Variants in CNTNAP5 observed in about 807,000 individuals in gnomAD.
The protein encoded by CNTNAP5 is contactin-associated protein-like 5.
Under a neutral mutation model 150.2 loss-of-function variants are expected in CNTNAP5, and 72 were observed. That is an observed-to-expected ratio of 0.48 (90% CI 0.40 to 0.58). The LOEUF (loss-of-function observed/expected upper bound fraction) is 0.58, where lower values mean the gene tolerates loss of function less well. CNTNAP5 is among the 20% of genes least tolerant of loss of function. The pLI is 0.00. For missense variants in CNTNAP5, 1,636 were observed against 1,626.2 expected (o/e 1.01, Z -0.10); for synonymous variants, 672 against 619.8 (o/e 1.08, Z -1.25).
chr2:124,700,395 C>T (rs1261141635), intron 13 of CNTNAP5, among the ~76,000 whole-genome samples: 1 of 152,104 alleles, frequency 6.6e-6, no homozygotes. Context: ...ATGGCTGGAT[C>T]ATATGGTAAT....
At chr2:124,537,758 C>T (rs1055074262) in intron 10 of CNTNAP5, among the ~76,000 whole-genome samples, 3 of 152,146 alleles carry the variant, frequency 2.0e-5, no homozygotes, top group Non-Finnish European at 4.4e-5. Context: ...AAATAAGCGA[C>T]CTTGAACAAG....
rs1684735343 is a variant in CNTNAP5 at position 124,163,471 on chromosome 2, A to G, written c.83-58234A>G. Among the ~76,000 whole-genome samples the G allele has an allele frequency of 2.0e-5, 3 of 152,164 alleles. No homozygotes were observed. The South Asian group carries it at 6.2e-4, about 32-fold the overall frequency. ...ATTAGCATGCTTTGAGGAGTCAGGC[A>G]TGGGGGTGTGAATCTGATCTACATG... is the stretch of plus-strand genomic sequence containing the variant. On this transcript the variant is annotated intron_variant, in intron 1 of 23. Transcript: ENST00000682447.
chr2:124,427,431 A>G (rs1057008836), intron 4 of CNTNAP5, among the ~76,000 whole-genome samples: 1 of 151,962 alleles, frequency 6.6e-6, no homozygotes, highest in Non-Finnish European at 1.5e-5. Context: ...TGAAACCCAT[A>G]TTATTTTATT....
intron 17 of CNTNAP5, among the ~76,000 whole-genome samples, chr2:124,781,906 GGTT>G (rs1482026280): frequency 6.6e-6 from 1 of 152,184 alleles, no homozygotes; most frequent in Non-Finnish European, 1.5e-5. Context: ...GTCAGGATGA[GGTT>G]GTTGCCCTGA....
rs1360203712 is a variant in CNTNAP5 at position 124,608,432 on chromosome 2, G to A, written c.1757-1369G>A. Among the ~76,000 whole-genome samples, 5 of 152,100 alleles carry A rather than the reference G, an allele frequency of 3.3e-5. No individual in the cohort carries two copies. The East Asian group carries it at 9.7e-4, about 29-fold the overall frequency. On this transcript the variant is annotated intron_variant, in intron 11 of 23. Transcript: ENST00000682447. The stretch of plus-strand genomic sequence containing the variant: ...TCCCTATCTCAGGACACCTGAACCT[G>A]CCTCTATCTGAGCATGCAGACTTTT...
chr2:124,365,306 A>G (rs1690343027), intron 3 of CNTNAP5, among the ~76,000 whole-genome samples: 1 of 148,938 alleles, frequency 6.7e-6, no homozygotes, highest in South Asian at 2.1e-4. Flanking sequence ...AGAGAGCAAG[A>G]CTCTGTCCCA....
rs550964757 is a variant in CNTNAP5, at chr2:124,918,008, T to C, written c.*3720T>C. Among the ~76,000 whole-genome samples, 9 of 152,190 alleles carry C rather than the reference T, an allele frequency of 5.9e-5. No homozygotes were observed. The highest frequency in any genetic ancestry group is 3.9e-4 in the Admixed American group (6 of 15,260). ...CAAAGTAGATATCTATCAATGCATA[T>C]AGATTTCTGTAGAAAGGGGTGGATT... On this transcript the variant is annotated 3_prime_UTR_variant, in exon 24 of 24. Coordinates refer to ENST00000682447, the MANE Select transcript of CNTNAP5 (RefSeq NM_001367498.1).
At chr2:124,697,773 ATTAC>A (rs1407155569) in intron 13 of CNTNAP5, among the ~76,000 whole-genome samples, 1 of 152,158 alleles carries the variant, frequency 6.6e-6, no homozygotes, top group Admixed American at 6.5e-5. Flanking sequence ...TCCTTGCACA[ATTAC>A]TTTATATATA....
At chr2:124,772,076 C>A (rs1361248943) in intron 16 of CNTNAP5, among the ~76,000 whole-genome samples, 1 of 151,876 alleles carries the variant, frequency 6.6e-6, no homozygotes, top group East Asian at 1.9e-4. Flanking sequence ...ATTATGCCCA[C>A]CACCACCATC....
At chr2:124,798,805 G>C (rs988140484) in intron 19 of CNTNAP5, among the ~76,000 whole-genome samples, 2 of 152,086 alleles carry the variant, frequency 1.3e-5, no homozygotes, top group Non-Finnish European at 2.9e-5. Flanking sequence ...GGAATAGGTG[G>C]CTTGCTTCTG....
chr2:124,252,493 C>T (rs1687209605), intron 3 of CNTNAP5, among the ~76,000 whole-genome samples: 2 of 152,172 alleles, frequency 1.3e-5, no homozygotes, highest in Admixed American at 1.3e-4. Context: ...TCTGAGCCCT[C>T]TCTGGGGAGA....
chr2:124,312,857 A>G (rs1272593294), intron 3 of CNTNAP5, among the ~76,000 whole-genome samples: 1 of 152,192 alleles, frequency 6.6e-6, no homozygotes, highest in Non-Finnish European at 1.5e-5. Flanking sequence ...GGCGTGAGCC[A>G]CCAGGCTCGG....
intron 16 of CNTNAP5, among the ~76,000 whole-genome samples, chr2:124,767,453 A>G (rs1311369072): frequency 6.6e-6 from 1 of 152,224 alleles, no homozygotes; most frequent in Non-Finnish European, 1.5e-5. Flanking sequence ...ATGGCTGTAC[A>G]GGTAGAAATT....
intron 19 of CNTNAP5, among the ~76,000 whole-genome samples, chr2:124,860,446 TC>T (rs1485892759): frequency 0.017 from 1,890 of 110,960 alleles, 100 homozygotes; most frequent in Middle Eastern, 0.045. Flanking sequence ...CTTCCTTCCT[TC>T]CTTCTTTCCT....
intron 11 of CNTNAP5, among the ~76,000 whole-genome samples, chr2:124,593,168 G>T: frequency 6.9e-6 from 1 of 145,564 alleles, no homozygotes; most frequent in Non-Finnish European, 1.5e-5. Context: ...AAGTTTTAGG[G>T]TACATGTGCA....
intron 1 of CNTNAP5, among the ~76,000 whole-genome samples, chr2:124,038,487 A>G (rs1301640058): frequency 6.6e-6 from 1 of 152,166 alleles, no homozygotes; most frequent in African/African-American, 2.4e-5. Context: ...GGAGCTATCA[A>G]AAAAGGACAC....
intron 13 of CNTNAP5, among the ~76,000 whole-genome samples, chr2:124,660,826 C>T (rs959396039): frequency 1.8e-4 from 27 of 151,634 alleles, no homozygotes; most frequent in Admixed American, 1.7e-3. Flanking sequence ...AACCTGTAAT[C>T]CCAGCTACTA....
chr2:124,554,422 C>CTTTTTTTT (rs5834078), intron 10 of CNTNAP5, among the ~76,000 whole-genome samples: 2 of 137,132 alleles, frequency 1.5e-5, no homozygotes, highest in African/African-American at 2.7e-5. Context: ...ATACTTTTTT[C>CTTTTTTTT]TTTTTTTTTT....
intron 3 of CNTNAP5, among the ~76,000 whole-genome samples, chr2:124,311,871 A>T (rs1231663168): frequency 6.6e-6 from 1 of 152,214 alleles, no homozygotes. Flanking sequence ...GCAGACACTT[A>T]AAAAAATTAG....
Sources: gnomAD v4.1 joint callset for allele counts (sites outside exome capture counted in the v4.1 genomes callset) on GRCh38, gnomAD v4.1.1 for gene constraint, MANE v1.5 for transcripts, NCBI Gene and HGNC (gene_info 2026-07-23, HGNC 2026-07-21) for gene names.